EPHB1: variants seen among roughly 807,000 people sequenced by gnomAD.
EPHB1 encodes the protein ephrin type-B receptor 1.
Under a neutral mutation model 94.4 loss-of-function variants are expected in EPHB1, and 30 were observed. The observed-to-expected ratio is 0.32, with a 90% CI of 0.24 to 0.43. The LOEUF is 0.43. Ranked by LOEUF, EPHB1 falls within the 20% of genes least tolerant of loss-of-function variation. EPHB1 has a pLI of 1.00. For missense variants in EPHB1, 1,055 were observed against 1,308.3 expected, an observed-to-expected ratio of 0.81 and a Z score of 2.99; for synonymous variants, 522 against 489.1, an observed-to-expected ratio of 1.07 and a Z score of -0.89.
intron 3 of EPHB1, among the ~76,000 whole-genome samples, chr3:134,972,612 G>T (rs9864852): frequency 0.14 from 20,953 of 147,652 alleles, 1,577 homozygotes; most frequent in South Asian, 0.16. Flanking sequence ...TCAAAACAGG[G>T]TTACAAAAAT....
At chr3:134,904,594 T>C (rs2038278669) in intron 1 of EPHB1, among the ~76,000 whole-genome samples, 1 of 152,056 alleles carries the variant, frequency 6.6e-6, no homozygotes, top group African/African-American at 2.4e-5. Context: ...TGACTCTGCA[T>C]GGGAAAAAGT....
intron 12 of EPHB1, among the ~76,000 whole-genome samples, chr3:135,208,290 C>CGTGT (rs55947191): frequency 0.047 from 6,662 of 142,522 alleles, 184 homozygotes; most frequent in East Asian, 0.1. Flanking sequence ...CCTTTCATGA[C>CGTGT]GTGTGTGTGT....
intron 3 of EPHB1, among the ~76,000 whole-genome samples, chr3:135,013,796 T>C (rs184219681): frequency 6.6e-6 from 1 of 152,344 alleles, no homozygotes; most frequent in African/African-American, 2.4e-5. Context: ...TAGCACATTG[T>C]AAACACTTGA....
intron 4 of EPHB1, among the ~76,000 whole-genome samples, chr3:135,107,540 T>A (rs1939268038): frequency 6.6e-6 from 1 of 152,208 alleles, no homozygotes; most frequent in African/African-American, 2.4e-5. Context: ...TTCTTCTTCA[T>A]TGGATAATGC....
intron 9 of EPHB1, among the ~76,000 whole-genome samples, chr3:135,171,973 G>A (rs1479699609): frequency 1.3e-5 from 2 of 152,176 alleles, no homozygotes; most frequent in African/African-American, 4.8e-5. Flanking sequence ...TAAGGGTTCA[G>A]ATCAGAAAAG....
intron 3 of EPHB1, among the ~76,000 whole-genome samples, chr3:135,031,157 G>C (rs972747247): frequency 1.3e-5 from 2 of 152,220 alleles, no homozygotes; most frequent in Admixed American, 6.5e-5. Flanking sequence ...CCGTACCTCA[G>C]ATGGAAATGC....
At chr3:135,147,758 A>G (rs1216043198) in intron 5 of EPHB1, among the ~76,000 whole-genome samples, 1 of 152,222 alleles carries the variant, frequency 6.6e-6, no homozygotes, top group Non-Finnish European at 1.5e-5. Context: ...TTTGCCGTCT[A>G]GAAGAGTTGC....
chr3:134,980,584 T>A (rs1162208293), intron 3 of EPHB1, among the ~76,000 whole-genome samples: 1 of 152,184 alleles, frequency 6.6e-6, no homozygotes, highest in African/African-American at 2.4e-5. Context: ...CAAGATAATC[T>A]CTAGAGATCT....
intron 2 of EPHB1, among the ~76,000 whole-genome samples, chr3:134,943,899 G>A (rs1345256177): frequency 1.3e-5 from 2 of 152,192 alleles, no homozygotes; most frequent in African/African-American, 4.8e-5. Context: ...TTGGGATACT[G>A]AGGTGTGGGC....
intron 3 of EPHB1, among the ~76,000 whole-genome samples, chr3:135,025,254 A>C (rs1936119424): frequency 8.3e-6 from 1 of 120,150 alleles, no homozygotes; most frequent in African/African-American, 2.8e-5. Flanking sequence ...GTACATGTGC[A>C]CACTGTGCAG....
At chr3:134,823,825 A>G (rs2036425786) in intron 1 of EPHB1, 1 of 152,248 alleles carries the variant, frequency 6.6e-6, no homozygotes. Context: ...ATCAGTTTCC[A>G]TGGCAACAGG....
At chr3:135,248,198 A>T in intron 13 of EPHB1, 118 bp from the exon 14 acceptor site, 1 of 951,778 alleles carries the variant, frequency 1.1e-6, no homozygotes. Flanking sequence ...GTGCAAGCAC[A>T]GAGCAAGGGC....
At chr3:135,231,466 A>G (rs1943529269) in intron 12 of EPHB1, among the ~76,000 whole-genome samples, 1 of 152,178 alleles carries the variant, frequency 6.6e-6, no homozygotes, top group African/African-American at 2.4e-5. Context: ...ATTTATGTCC[A>G]AATAAGCCTT....
intron 3 of EPHB1, among the ~76,000 whole-genome samples, chr3:135,100,274 C>T (rs1938986918): frequency 6.6e-6 from 1 of 152,020 alleles, no homozygotes; most frequent in Non-Finnish European, 1.5e-5. Flanking sequence ...TTTGAGGCCT[C>T]ATCTGAGAGG....
chr3:134,946,267 GT>G (rs959744967), intron 2 of EPHB1, among the ~76,000 whole-genome samples: 4 of 152,176 alleles, frequency 2.6e-5, no homozygotes, highest in Non-Finnish European at 5.9e-5. Flanking sequence ...GATCGCCTGT[GT>G]TTTTTTCTCC....
intron 12 of EPHB1, among the ~76,000 whole-genome samples, chr3:135,221,779 C>T (rs1943283694): frequency 6.6e-6 from 1 of 152,100 alleles, no homozygotes; most frequent in African/African-American, 2.4e-5. Context: ...TGGAAGGAGA[C>T]ATATTGTTTT....
intron 1 of EPHB1, among the ~76,000 whole-genome samples, chr3:134,808,322 A>G (rs2036107753): frequency 6.6e-6 from 1 of 152,130 alleles, no homozygotes; most frequent in African/African-American, 2.4e-5. Flanking sequence ...GCCAAACTCC[A>G]TTACCAGGGT....
At chr3:134,923,536 G>A (rs541090798) in intron 1 of EPHB1, among the ~76,000 whole-genome samples, 1 of 152,220 alleles carries the variant, frequency 6.6e-6, no homozygotes, top group East Asian at 1.9e-4. Flanking sequence ...TGGGGCCATT[G>A]GCCACTCCCT....
rs539014068 is a variant in EPHB1, at chr3:134,843,049, T to A, written c.58+47360T>A. On this transcript the variant is annotated intron_variant, in intron 1 of 15. Coordinates refer to ENST00000398015, the MANE Select transcript of EPHB1 (RefSeq NM_004441.5). ...TCATTTCTTTTCATCTTGAATAACATTCTTTAGTATTTGTTTGTATTTTAT... is the reference window on the plus strand; with the variant it reads ...TCATTTCTTTTCATCTTGAATAACAATCTTTAGTATTTGTTTGTATTTTAT... 4.0e-4 allele frequency among the ~76,000 whole-genome samples: 61 copies of A among 152,368 alleles called. No individual in the cohort carries two copies. The Middle Eastern group carries it at 0.037, about 93-fold the overall frequency.
Sources: allele counts gnomAD v4.1 joint callset (sites outside exome capture counted in the v4.1 genomes callset), GRCh38; gene constraint gnomAD v4.1.1; transcripts MANE v1.5; gene names NCBI Gene and HGNC (gene_info 2026-07-23, HGNC 2026-07-21).